BMPR1B: variants seen among roughly 807,000 people sequenced by gnomAD.
BMPR1B encodes bone morphogenetic protein receptor type 1B, also known as bone morphogenetic protein receptor type-1B.
Under a neutral mutation model 59.1 loss-of-function variants are expected in BMPR1B, and 12 were observed. The observed-to-expected ratio is 0.20, with a 90% CI of 0.13 to 0.33. BMPR1B has a LOEUF of 0.33. Among genes scored for constraint, BMPR1B ranks in the 10% least tolerant of loss-of-function variants. The pLI is 1.00. For missense variants in BMPR1B, 550 were observed against 610.9 expected, an observed-to-expected ratio of 0.90 and a Z score of 1.05; for synonymous variants, 237 against 207.3, an observed-to-expected ratio of 1.14 and a Z score of -1.23.
intron 2 of BMPR1B, among the ~76,000 whole-genome samples, chr4:94,939,272 C>A (rs1311433228): frequency 6.6e-6 from 1 of 152,100 alleles, no homozygotes; most frequent in African/African-American, 2.4e-5. Context: ...ATTTTCTCCA[C>A]ATTTCTTCTT....
intron 2 of BMPR1B, among the ~76,000 whole-genome samples, chr4:94,974,724 G>T (rs540099863): frequency 6.6e-6 from 1 of 152,160 alleles, no homozygotes; most frequent in Non-Finnish European, 1.5e-5. Flanking sequence ...TCAGAGCAGC[G>T]TTTATAGTTT....
chr4:94,973,939 G>A (rs777789985), intron 2 of BMPR1B, among the ~76,000 whole-genome samples: 2 of 152,158 alleles, frequency 1.3e-5, no homozygotes, highest in African/African-American at 2.4e-5. Context: ...TAAGAAAAAA[G>A]TGGTTACAAT....
At chr4:94,843,138 A>C (rs1179780669) in intron 1 of BMPR1B, among the ~76,000 whole-genome samples, 1 of 152,250 alleles carries the variant, frequency 6.6e-6, no homozygotes, top group Non-Finnish European at 1.5e-5. Flanking sequence ...TAACTTGCCC[A>C]AAATCACATA....
At position 94,879,448 on chromosome 4, in the gene BMPR1B, A is replaced by T. The variant is rs144629671; in HGVS notation, c.-113+3548A>T. On this transcript the variant is annotated intron_variant, in intron 2 of 12. Transcript: ENST00000515059. ...AGACCTGGTGTCTATAAAAAATTTT[A>T]AAAAATTAGCCAGGTGTGCTGGGGT... is the stretch of plus-strand genomic sequence containing the variant. Among the ~76,000 whole-genome samples, 8 of 152,150 alleles carry T rather than the reference A, an allele frequency of 5.3e-5. No homozygotes were observed. The East Asian group carries it at 1.5e-3, about 29-fold the overall frequency.
intron 10 of BMPR1B, among the ~76,000 whole-genome samples, chr4:95,140,844 A>G (rs1734183438): frequency 6.6e-6 from 1 of 152,192 alleles, no homozygotes; most frequent in Non-Finnish European, 1.5e-5. Flanking sequence ...TTAAAACAAA[A>G]AAGGAAAGTG....
chr4:94,985,165 T>A (rs557215794), intron 2 of BMPR1B, among the ~76,000 whole-genome samples: 1 of 152,022 alleles, frequency 6.6e-6, no homozygotes, highest in Admixed American at 6.6e-5. Flanking sequence ...TATTCTATGC[T>A]GAGAAGTTTG....
At chr4:94,849,988 A>G (rs1004573908) in intron 1 of BMPR1B, among the ~76,000 whole-genome samples, 3 of 152,146 alleles carry the variant, frequency 2.0e-5, no homozygotes, top group African/African-American at 7.2e-5. Context: ...AGAAACCTAC[A>G]GTGCTTACAG....
chr4:95,101,105 A>C (rs1040085684), intron 3 of BMPR1B, among the ~76,000 whole-genome samples: 7 of 152,130 alleles, frequency 4.6e-5, no homozygotes, highest in Admixed American at 3.9e-4. Context: ...TTTCACTGAG[A>C]AACTCACAAG....
intron 3 of BMPR1B, among the ~76,000 whole-genome samples, chr4:95,052,611 G>T (rs946880097): frequency 3.9e-5 from 6 of 152,124 alleles, no homozygotes; most frequent in African/African-American, 1.4e-4. Flanking sequence ...TAACTTGGCT[G>T]TACTGTTTAT....
chr4:94,829,343 T>G (rs1215158230), intron 1 of BMPR1B, among the ~76,000 whole-genome samples: 2 of 151,100 alleles, frequency 1.3e-5, no homozygotes, highest in Non-Finnish European at 3.0e-5. Context: ...TTTTTTTTTT[T>G]GGGACACTGC....
intron 3 of BMPR1B, among the ~76,000 whole-genome samples, chr4:95,067,767 C>G (rs1223583275): frequency 6.6e-6 from 1 of 152,020 alleles, no homozygotes; most frequent in African/African-American, 2.4e-5. Context: ...TTTATCAAAC[C>G]TTTATTAAAT....
intron 2 of BMPR1B, among the ~76,000 whole-genome samples, chr4:94,882,967 C>CGTGTGT (rs375751655): frequency 3.7e-5 from 5 of 136,718 alleles, no homozygotes; most frequent in Admixed American, 1.5e-4. Context: ...TGTGTGTGTG[C>CGTGTGT]GTGTGTGTGT....
intron 2 of BMPR1B, among the ~76,000 whole-genome samples, chr4:94,907,871 G>A (rs1728107903): frequency 6.6e-6 from 1 of 150,976 alleles, no homozygotes; most frequent in Non-Finnish European, 1.5e-5. Context: ...ACATGTCTGA[G>A]GTCTCTATAA....
At chr4:94,802,470 G>A (rs1723444209) in intron 1 of BMPR1B, among the ~76,000 whole-genome samples, 1 of 152,194 alleles carries the variant, frequency 6.6e-6, no homozygotes. Context: ...AATGAAGAGA[G>A]AGATGAATAA....
At chr4:95,014,273 A>G (rs750143837) in intron 3 of BMPR1B, among the ~76,000 whole-genome samples, 2 of 152,176 alleles carry the variant, frequency 1.3e-5, no homozygotes, top group Non-Finnish European at 2.9e-5. Flanking sequence ...TGATTCAGCA[A>G]ATATTATCTC....
chr4:95,124,984 T>C lies in BMPR1B; in HGVS notation c.448T>C (p.Tyr150His). Reference sequence around the variant, plus strand: ...TTATCTTCATCTATCCATCTTTAGGTATAAAAGACAAGAAACCAGACCTCG... The same window carrying C: ...TTATCTTCATCTATCCATCTTTAGGCATAAAAGACAAGAAACCAGACCTCG... ...VLIILFCYFR[Y>H]KRQETRPRYS... The change falls in exon 8 of 13, where the codon TAT (tyrosine) becomes CAT (histidine). Residue 150 changes from tyrosine (Y) to histidine (H), a missense_variant and splice_region_variant. By Grantham distance (83) the Tyr-to-His change is moderately conservative. Coordinates refer to ENST00000515059, the MANE Select transcript of BMPR1B (RefSeq NM_001203.3). The C allele has an allele frequency of 6.2e-7, 1 of 1,611,446 alleles. No homozygotes were observed. Among genetic ancestry groups the C allele is most frequent in the Non-Finnish European group, 8.5e-7 (1 of 1,177,640 alleles).
At chr4:95,049,397 A>C (rs370286679) in intron 3 of BMPR1B, among the ~76,000 whole-genome samples, 1 of 137,556 alleles carries the variant, frequency 7.3e-6, no homozygotes, top group East Asian at 2.4e-4. Flanking sequence ...TACAGGTACG[A>C]GCCAATGTGC....
At chr4:94,960,430 A>T (rs764229569) in intron 2 of BMPR1B, among the ~76,000 whole-genome samples, 7 of 152,146 alleles carry the variant, frequency 4.6e-5, no homozygotes, top group Non-Finnish European at 1.0e-4. Flanking sequence ...TTTCTTATAT[A>T]GTCATAAGTC....
intron 3 of BMPR1B, among the ~76,000 whole-genome samples, chr4:95,012,339 A>C (rs1723282184): frequency 6.6e-6 from 1 of 152,216 alleles, no homozygotes; most frequent in African/African-American, 2.4e-5. Context: ...CTGAGGGATC[A>C]ACTAAGCAGG....
Sources: gnomAD v4.1 joint callset for allele counts (sites outside exome capture counted in the v4.1 genomes callset) on GRCh38, gnomAD v4.1.1 for gene constraint, MANE v1.5 for transcripts, NCBI Gene and HGNC (gene_info 2026-07-23, HGNC 2026-07-21) for gene names.